SVEP1: variants seen among roughly 807,000 people sequenced by gnomAD.
The protein encoded by SVEP1 is sushi, von Willebrand factor type A, EGF and pentraxin domain-containing protein 1.
In SVEP1, 164 loss-of-function variants were observed where a neutral mutation model predicts 367.3. The observed-to-expected ratio is 0.45, with a 90% CI of 0.39 to 0.51. The LOEUF (loss-of-function observed/expected upper bound fraction) is 0.51, where lower values mean the gene tolerates loss of function less well. Ranked by LOEUF, SVEP1 falls within the 20% of genes least tolerant of loss-of-function variation. The pLI, the probability that SVEP1 is intolerant of heterozygous loss-of-function variation, is 0.00. For missense variants in SVEP1, 4,117 were observed against 4,425.3 expected (o/e 0.93, Z 1.98); for synonymous variants, 1,666 against 1,611.6 (o/e 1.03, Z -0.81).
intron 1 of SVEP1, among the ~76,000 whole-genome samples, chr9:110,555,358 A>T (rs893466965): frequency 8.5e-5 from 13 of 152,176 alleles, no homozygotes; most frequent in African/African-American, 3.1e-4. Context: ...GATAGTCTGG[A>T]GCAGAGTTAC....
chr9:110,466,360 G>C (rs1231836475), intron 17 of SVEP1, among the ~76,000 whole-genome samples: 1 of 152,172 alleles, frequency 6.6e-6, no homozygotes. Context: ...CTGGGAATTT[G>C]TTCATGTAGA....
At chr9:110,498,112 A>G (rs1829479608) in intron 7 of SVEP1, among the ~76,000 whole-genome samples, 1 of 152,204 alleles carries the variant, frequency 6.6e-6, no homozygotes, top group African/African-American at 2.4e-5. Context: ...GTTGTAAATG[A>G]AATAGGTAAC....
At chr9:110,462,560 T>C (rs1828873048) in intron 18 of SVEP1, among the ~76,000 whole-genome samples, 2 of 150,392 alleles carry the variant, frequency 1.3e-5, no homozygotes, top group Non-Finnish European at 3.0e-5. Context: ...ATACTAAACA[T>C]GTACATGTAC....
At chr9:110,559,882 T>C (rs912656167) in intron 1 of SVEP1, among the ~76,000 whole-genome samples, 2 of 152,282 alleles carry the variant, frequency 1.3e-5, no homozygotes, top group Admixed American at 6.5e-5. Flanking sequence ...AATGATATTA[T>C]TGAACACTAT....
At chr9:110,412,596 A>G (rs1828059599) in intron 36 of SVEP1, among the ~76,000 whole-genome samples, 1 of 152,086 alleles carries the variant, frequency 6.6e-6, no homozygotes, top group Admixed American at 6.5e-5. Context: ...CTACCATCAG[A>G]GTGAACAGGC....
At chr9:110,413,954 T>C (rs1403508971) in intron 36 of SVEP1, among the ~76,000 whole-genome samples, 4 of 152,032 alleles carry the variant, frequency 2.6e-5, no homozygotes, top group African/African-American at 9.7e-5. Context: ...AAGTGAATGG[T>C]GGTTCAGACA....
chr9:110,542,406 G>C (rs1221409171), intron 3 of SVEP1, among the ~76,000 whole-genome samples: 1 of 152,070 alleles, frequency 6.6e-6, no homozygotes, highest in Non-Finnish European at 1.5e-5. Context: ...CCTTCTGAAA[G>C]GCATTGTTTC....
At chr9:110,481,060 T>C (rs1010661564) in intron 12 of SVEP1, among the ~76,000 whole-genome samples, 182 bp downstream of exon 12, 1 of 152,206 alleles carries the variant, frequency 6.6e-6, no homozygotes, top group Non-Finnish European at 1.5e-5. Context: ...CAATCTATAA[T>C]AAGACTTTAG....
chr9:110,475,598 T>G lies in SVEP1; in HGVS notation c.2599+606A>C, dbSNP rs549300432. Reference sequence around the variant, plus strand: ...TTGCCCAGGCTGGAGTGCAGTGGCATAATCATGGCTCACTGCAGCCTCGAA... The same window carrying G: ...TTGCCCAGGCTGGAGTGCAGTGGCAGAATCATGGCTCACTGCAGCCTCGAA... On this transcript the variant is annotated intron_variant, in intron 14 of 47. Coordinates refer to ENST00000374469, the MANE Select transcript of SVEP1 (RefSeq NM_153366.4). Among the ~76,000 whole-genome samples, 7 of 151,702 alleles carry G rather than the reference T, an allele frequency of 4.6e-5. No individual in the cohort carries two copies. In the South Asian group the frequency reaches 1.0e-3, roughly 23 times the overall value.
intron 1 of SVEP1, among the ~76,000 whole-genome samples, chr9:110,559,669 T>G (rs1466253321): frequency 6.6e-6 from 1 of 152,048 alleles, no homozygotes; most frequent in Non-Finnish European, 1.5e-5. Context: ...GCCTTAAAAT[T>G]TTCACATGAT....
Position 110,549,874 on chromosome 9 carries a change from A to T in SVEP1, c.762T>A (p.Ala254=), listed in dbSNP as rs764120994. 5 of 1,613,776 alleles carry T rather than the reference A, an allele frequency of 3.1e-6. No homozygotes were observed. The African/African-American group carries it at 5.3e-5, about 17-fold the overall frequency. ...YLLHSFEEFE[A]LARRALHEDL... is the part of the protein sequence containing the mutation. ...CTTCATGCAATGCCCGGCGAGCTAA[A>T]GCCTCAAATTCTTCAAAACTGTGTA... The change falls in exon 2 of 48, where the codon GCT becomes GCA. Residue 254 remains alanine (A), a synonymous_variant. Coordinates refer to ENST00000374469, the MANE Select transcript of SVEP1 (RefSeq NM_153366.4).
In SVEP1 at chr9:110,483,673, C is replaced by T; in HGVS notation, c.1951G>A (p.Asp651Asn). 1 of 1,603,786 alleles carries T rather than the reference C, an allele frequency of 6.2e-7. No homozygotes were observed. Among genetic ancestry groups the T allele is most frequent in the South Asian group, 1.1e-5 (1 of 89,042 alleles). ...KVIDAEPPVI[D>N]WCRSPPPVQV... ...ACGGGAGGTGGAGATCTGCACCAGT[C>T]TATGACAGGTGGTTCTGCATCTGAA... The change falls in exon 10 of 48, where the codon GAC becomes AAC. Residue 651 changes from aspartate to asparagine, a missense_variant. Around this residue, in one of 4 missense-constraint regions of SVEP1, gnomAD observed 2,174 missense variants for 2,494.3 expected, o/e 0.87. Transcript: ENST00000374469.
chr9:110,533,586 C>CTGTGTG (rs1830046193), intron 3 of SVEP1, among the ~76,000 whole-genome samples: 1 of 43,428 alleles, frequency 2.3e-5, no homozygotes, highest in Non-Finnish European at 5.9e-5. Context: ...GTTACTATCT[C>CTGTGTG]TGTGTGTCTG....
chr9:110,477,717 A>G (rs1019753344), intron 13 of SVEP1, among the ~76,000 whole-genome samples: 16 of 151,936 alleles, frequency 1.1e-4, no homozygotes, highest in African/African-American at 3.6e-4. Context: ...TTATCCCACA[A>G]TCTACTTCCA....
intron 3 of SVEP1, among the ~76,000 whole-genome samples, chr9:110,531,432 C>T (rs946312741): frequency 1.3e-5 from 2 of 152,142 alleles, no homozygotes; most frequent in South Asian, 2.1e-4. Context: ...GGGGCAGTTA[C>T]CCTCATGCTG....
rs866086638 is a variant in SVEP1 at position 110,579,210 on chromosome 9, C to G, written c.334G>C (p.Asp112His). Residue 112 changes from aspartate (D) to histidine (H), a missense_variant, in exon 1 of 48, where the codon GAC becomes CAC. Asp to His is a moderately conservative substitution (Grantham distance 81). Transcript: ENST00000374469. This position sits in a 1 kb window ranked among gnomAD's most constrained non-coding sequence, Gnocchi z 5.3. ...ELMFVRKLLS[D>H]FPVVPTATRV... ...GTGGCCGTGGGCACCACGGGGAAGT[C>G]GGACAGCAGCTTGCGGACGAACATG... 6.4e-7 allele frequency: 1 copy of G among 1,570,938 alleles called. No individual in the cohort carries two copies. The highest frequency in any genetic ancestry group is 8.6e-7 in the Non-Finnish European group (1 of 1,158,752).
At chr9:110,430,125 T>TTG in intron 33 of SVEP1, 121 bp from the exon 34 acceptor site, 1 of 1,062,712 alleles carries the variant, frequency 9.4e-7, no homozygotes, top group African/African-American at 1.7e-5. Flanking sequence ...TTTTTTTTGG[T>TTG]GTGTGTGTGT....
At chr9:110,530,018 T>C (rs1829997697) in intron 3 of SVEP1, among the ~76,000 whole-genome samples, 1 of 31,122 alleles carries the variant, frequency 3.2e-5, no homozygotes, top group African/African-American at 8.9e-5. Context: ...TTATATTTTG[T>C]GTTATGTTCC....
rs1405608913 is a variant in SVEP1 at position 110,404,561 on chromosome 9, G to A, written c.9441-9C>T. The A allele has an allele frequency of 1.2e-6, 2 of 1,611,432 alleles. No homozygotes were observed. Among genetic ancestry groups the A allele is most frequent in the East Asian group, 4.5e-5 (2 of 44,866 alleles). ...TATAACCTTCCAGACATCTGCAATG[G>A]AAATGCAAAAATGAGTGCCTTAAAT... On this transcript the variant is annotated splice_polypyrimidine_tract_variant and intron_variant, in intron 38 of 47. Coordinates refer to ENST00000374469, the MANE Select transcript of SVEP1 (RefSeq NM_153366.4).
Sources: gnomAD v4.1 joint callset for allele counts (sites outside exome capture counted in the v4.1 genomes callset) on GRCh38, gnomAD v4.1.1 for gene constraint, gnomAD v4.1.1 regional missense constraint, Gnocchi (gnomAD v3.1) non-coding constraint, MANE v1.5 for transcripts, NCBI Gene and HGNC (gene_info 2026-07-23, HGNC 2026-07-21) for gene names.